The following AP3S1 variants were observed in gnomAD, a reference collection of about 807,000 sequenced individuals.
AP3S1 encodes AP-3 complex subunit sigma-1.
AP3S1 carries 12 observed loss-of-function variants against 21.3 expected under a neutral mutation model. That is an observed-to-expected ratio of 0.56 (90% CI 0.36 to 0.91). AP3S1 has a LOEUF of 0.91. AP3S1 is among the 40% of genes least tolerant of loss of function. The pLI is 0.01. For synonymous variants in AP3S1, 48 were observed against 78.4 expected, an observed-to-expected ratio of 0.61 and a Z score of 2.05; for missense variants, 116 against 225.0, an observed-to-expected ratio of 0.52 and a Z score of 3.10.
intron 1 of AP3S1, among the ~76,000 whole-genome samples, chr5:115,853,815 G>A (rs1762613191): frequency 6.6e-6 from 1 of 152,130 alleles, no homozygotes; most frequent in South Asian, 2.1e-4. Flanking sequence ...CACCATGGTT[G>A]ACTCTCTAAA....
chr5:115,905,916 A>G (rs1751608553), intron 5 of AP3S1, among the ~76,000 whole-genome samples: 1 of 152,228 alleles, frequency 6.6e-6, no homozygotes, highest in Admixed American at 6.5e-5. Flanking sequence ...GCACTTTGGG[A>G]TCACTCAGGT....
chr5:115,841,990 C>T lies in AP3S1; in HGVS notation c.-48C>T, dbSNP rs189493290. The T allele has an allele frequency of 4.5e-6, 7 of 1,547,144 alleles. No individual in the cohort carries two copies. Among genetic ancestry groups the T allele is most frequent in the Non-Finnish European group, 6.1e-6 (7 of 1,146,522 alleles). On this transcript the variant is annotated 5_prime_UTR_variant, in exon 1 of 6. Transcript: ENST00000316788. ...GATTACGAGGCGAGGCTCGCGCGCC[C>T]GCCCCCGCCCTGGCCCCCAGTGCCC...
rs192441019 is a variant in AP3S1, at chr5:115,901,507, A to C, written c.346-1378A>C. Among the ~76,000 whole-genome samples, 4 of 148,926 alleles carry C rather than the reference A, an allele frequency of 2.7e-5. No individual in the cohort carries two copies. In the Admixed American group the frequency reaches 2.7e-4, roughly 10 times the overall value. On this transcript the variant is annotated intron_variant, in intron 4 of 5. Transcript: ENST00000316788. ...ATAAATTTGTCTTCAGAATTTGTGC[A>C]TGAGGTGTCCATGCTTCCAAAATGA...
chr5:115,866,862 T>A, intron 2 of AP3S1, 101 bp downstream of exon 2: 11 of 598,206 alleles, frequency 1.8e-5, no homozygotes, highest in Non-Finnish European at 2.8e-5. Flanking sequence ...TTTTGATTAA[T>A]TGGATTAGGT....
At position 115,902,868 on chromosome 5, in the gene AP3S1, T is replaced by A; in HGVS notation, c.346-17T>A. ...GTGAATTTTCTTTATGGGTATATAT[T>A]CTTTTATTCCCTTTAGGTTCACAAT... On this transcript the variant is annotated splice_polypyrimidine_tract_variant and intron_variant, in intron 4 of 5. Coordinates refer to ENST00000316788, the MANE Select transcript of AP3S1 (RefSeq NM_001284.4). 1 of 1,561,988 alleles carries A rather than the reference T, an allele frequency of 6.4e-7. No homozygotes were observed.
At position 115,899,821 on chromosome 5, in the gene AP3S1, G is replaced by A. The variant is rs947198513; in HGVS notation, c.346-3064G>A. 3.9e-5 allele frequency among the ~76,000 whole-genome samples: 6 copies of A among 152,128 alleles called. No homozygotes were observed. In the South Asian group the frequency reaches 1.2e-3, roughly 32 times the overall value. On this transcript the variant is annotated intron_variant, in intron 4 of 5. Coordinates refer to ENST00000316788, the MANE Select transcript of AP3S1 (RefSeq NM_001284.4). Reference sequence around the variant, plus strand: ...GATACATTTAACATCTATTATACAAGTACTTGGAGGATCTTATCCAATTGA... The same window carrying A: ...GATACATTTAACATCTATTATACAAATACTTGGAGGATCTTATCCAATTGA...
chr5:115,858,053 C>T (rs1580632616), intron 1 of AP3S1, among the ~76,000 whole-genome samples: 1 of 152,312 alleles, frequency 6.6e-6, no homozygotes, highest in Non-Finnish European at 1.5e-5. Flanking sequence ...AGCCTTTTGA[C>T]TAGGACCAAT....
chr5:115,914,014 T>C lies in AP3S1; in HGVS notation c.*524T>C, dbSNP rs565751212. On this transcript the variant is annotated 3_prime_UTR_variant, in exon 6 of 6. Coordinates refer to ENST00000316788, the MANE Select transcript of AP3S1 (RefSeq NM_001284.4). The stretch of plus-strand genomic sequence containing the variant: ...CTTTCTGTTTGCCTGATATCTACTT[T>C]AGCAATAATTTTTTTTACAACCCTC... 5 of 149,846 alleles carry C rather than the reference T, an allele frequency of 3.3e-5. No homozygotes were observed. Among genetic ancestry groups the C allele is most frequent in the South Asian group, 2.1e-4 (1 of 4,796 alleles). 9.3% of individuals were successfully genotyped at this position (149,846 alleles called of 1,614,324 possible).
chr5:115,910,265 T>TAA (rs397884038), intron 5 of AP3S1, among the ~76,000 whole-genome samples: 57 of 125,136 alleles, frequency 4.6e-4, no homozygotes, highest in African/African-American at 5.1e-4. Context: ...CCCTGTCTCT[T>TAA]AAAAAAAAAA....
At chr5:115,860,165 A>G (rs966408657) in intron 1 of AP3S1, among the ~76,000 whole-genome samples, 1 of 152,216 alleles carries the variant, frequency 6.6e-6, no homozygotes, top group Admixed American at 6.5e-5. Flanking sequence ...CCAGCGGCAT[A>G]GCAGTATATC....
chr5:115,892,142 ATTTGCAAAG>A lies in AP3S1; in HGVS notation c.274-2943_274-2935del, dbSNP rs532504143. 7.9e-4 allele frequency among the ~76,000 whole-genome samples: 121 copies of A among 152,376 alleles called. 2 individuals are homozygous for A. In the East Asian group the frequency reaches 0.023, roughly 29 times the overall value. On this transcript the variant is annotated intron_variant, in intron 3 of 5. Transcript: ENST00000316788. ...CATCTCATTCCAGTTAAAATGGCTTATTTGCAAAGTCAGGCAATAATAAATGCTGGCAAG... is the reference window on the plus strand; with the variant it reads ...CATCTCATTCCAGTTAAAATGGCTTATCAGGCAATAATAAATGCTGGCAAG...
intron 5 of AP3S1, among the ~76,000 whole-genome samples, chr5:115,910,736 A>C (rs1458108997): frequency 2.0e-5 from 3 of 152,108 alleles, no homozygotes; most frequent in African/African-American, 7.2e-5. Flanking sequence ...AAACATTGCT[A>C]GCTGGTTTAA....
intron 1 of AP3S1, chr5:115,852,946 T>G (rs1762544224): frequency 6.8e-6 from 3 of 442,380 alleles, no homozygotes; most frequent in Non-Finnish European, 1.4e-5. Context: ...CATGTATGAA[T>G]TTTTCTGTGA....
At chr5:115,878,383 T>C (rs1748926192) in intron 3 of AP3S1, among the ~76,000 whole-genome samples, 1 of 152,224 alleles carries the variant, frequency 6.6e-6, no homozygotes, top group African/African-American at 2.4e-5. Context: ...TTGTATAAGG[T>C]GTAAGGAAGG....
At chr5:115,852,438 A>T (rs746514832) in intron 1 of AP3S1, among the ~76,000 whole-genome samples, 38 of 152,008 alleles carry the variant, frequency 2.5e-4, no homozygotes, top group Non-Finnish European at 5.2e-4. Context: ...AAATTAGCTA[A>T]CCTTTTAAAA....
At chr5:115,904,546 A>G (rs2112576483) in intron 5 of AP3S1, among the ~76,000 whole-genome samples, 1 of 152,278 alleles carries the variant, frequency 6.6e-6, no homozygotes, top group South Asian at 2.1e-4. Context: ...GGTGATTTAG[A>G]GCTAAGATTA....
At chr5:115,881,574 G>C (rs1749293991) in intron 3 of AP3S1, among the ~76,000 whole-genome samples, 1 of 152,204 alleles carries the variant, frequency 6.6e-6, no homozygotes, top group Admixed American at 6.5e-5. Context: ...GAGATCTGCT[G>C]TTAGTCTGAT....
intron 3 of AP3S1, among the ~76,000 whole-genome samples, chr5:115,875,379 G>A (rs550118132): frequency 5.5e-4 from 84 of 152,310 alleles, no homozygotes; most frequent in African/African-American, 2.0e-3. Flanking sequence ...TGAATATACA[G>A]TGGTGTGCCG....
intron 1 of AP3S1, among the ~76,000 whole-genome samples, chr5:115,854,992 ATG>A (rs140506639): frequency 0.027 from 4,046 of 151,506 alleles, 217 homozygotes; most frequent in African/African-American, 0.092. Context: ...ATGCTTATAT[ATG>A]TGTGTGTGTG....
Sources: allele counts gnomAD v4.1 joint callset (sites outside exome capture counted in the v4.1 genomes callset), GRCh38; gene constraint gnomAD v4.1.1; transcripts MANE v1.5; gene names NCBI Gene and HGNC (gene_info 2026-07-23, HGNC 2026-07-21).